Variants in SYTL2 observed in about 807,000 individuals in gnomAD.
SYTL2 encodes synaptotagmin-like protein 2.
A neutral mutation model predicts 198.7 loss-of-function variants in SYTL2; 165 were observed. The observed-to-expected ratio is 0.83, with a 90% CI of 0.73 to 0.94. The LOEUF is 0.94. Among genes scored for constraint, SYTL2 ranks in the 40% least tolerant of loss-of-function variants. The pLI is 0.00. For missense variants in SYTL2, 2,835 were observed against 2,582.8 expected (o/e 1.10, Z -2.12); for synonymous variants, 966 against 917.7 (o/e 1.05, Z -0.95).
At chr11:85,854,627 A>C in the SYTL2 span, 1 of 152,286 alleles carries the variant, frequency 6.6e-6, no homozygotes, top group East Asian at 1.9e-4. Context: ...TTAGTGCACG[A>C]AAGTAGAAAG....
chr11:85,760,809 C>T (rs1281910619), intron 1 of SYTL2, among the ~76,000 whole-genome samples: 1 of 152,142 alleles, frequency 6.6e-6, no homozygotes, highest in Non-Finnish European at 1.5e-5. Context: ...AAATTTCTCC[C>T]TTAAAATAGG....
intron 1 of SYTL2, among the ~76,000 whole-genome samples, chr11:85,761,922 G>C (rs1312187907): frequency 2.6e-5 from 4 of 152,202 alleles, no homozygotes; most frequent in Admixed American, 2.0e-4. Flanking sequence ...GCCTCCCAAA[G>C]TATTGGGATT....
At position 85,709,336 on chromosome 11, in the gene SYTL2, TGAAC is replaced by T. The variant is rs2085831735; in HGVS notation, c.5906_5909del (p.Arg1969GlnfsTer5). The T allele has an allele frequency of 1.2e-6, 2 of 1,614,032 alleles. No homozygotes were observed. Reference sequence around the variant, plus strand: ...TGACTCTAAAATGTACTTACGGGTCTGAACGCTGTTTTTTTACATCCGCTGCTGC... The same window carrying T: ...TGACTCTAAAATGTACTTACGGGTCTGCTGTTTTTTTACATCCGCTGCTGC... On this transcript the variant is annotated frameshift_variant, in exon 14 of 20. Coordinates refer to ENST00000359152, the MANE Select transcript of SYTL2 (RefSeq NM_206927.4). LOFTEE classifies it high-confidence loss of function.
At chr11:85,797,902 G>C (rs1189071065) in intron 1 of SYTL2, among the ~76,000 whole-genome samples, 1 of 152,022 alleles carries the variant, frequency 6.6e-6, no homozygotes. Flanking sequence ...CACCCAGGCT[G>C]GAGTGCAGTG....
the SYTL2 span, among the ~76,000 whole-genome samples, chr11:85,848,269 G>GAA: frequency 2.4e-5 from 3 of 124,162 alleles, no homozygotes; most frequent in Non-Finnish European, 3.5e-5. Context: ...AAAGAAAAAA[G>GAA]AAAAAAAAAA....
chr11:85,736,435 T>G, intron 6 of SYTL2, 66 bp downstream of exon 6: 10 of 813,026 alleles, frequency 1.2e-5, no homozygotes, highest in Non-Finnish European at 1.9e-5. Context: ...AAAGGAACTC[T>G]GAGAATTTCC....
At position 85,726,620 on chromosome 11, in the gene SYTL2, C is replaced by T; in HGVS notation, c.2738G>A (p.Arg913Lys). ...AGGCAAACTGTCTGCCACTTGTGAT[C>T]TTTTTATAGGCTCATTTTTCTTATT... ...FQNKKNEPIK[R>K]SQVADSLPSR... The change falls in exon 8 of 20, where the codon AGA becomes AAA. Residue 913 changes from arginine to lysine, a missense_variant. This residue lies in a region of SYTL2 where 2,645 missense variants were observed against 2,381.7 expected (regional missense o/e 1.11). Coordinates refer to ENST00000359152, the MANE Select transcript of SYTL2 (RefSeq NM_206927.4). 1 of 1,543,158 alleles carries T rather than the reference C, an allele frequency of 6.5e-7. No homozygotes were observed. The highest frequency in any genetic ancestry group is 8.7e-7 in the Non-Finnish European group (1 of 1,149,996).
At chr11:85,793,768 T>A (rs1166813191) in intron 1 of SYTL2, among the ~76,000 whole-genome samples, 1 of 152,202 alleles carries the variant, frequency 6.6e-6, no homozygotes, top group Non-Finnish European at 1.5e-5. Flanking sequence ...TCTGCACAAA[T>A]GAAAAATCCT....
At chr11:85,774,219 C>T (rs1396947270) in intron 1 of SYTL2, among the ~76,000 whole-genome samples, 1 of 152,188 alleles carries the variant, frequency 6.6e-6, no homozygotes, top group African/African-American at 2.4e-5. Context: ...AAGGAACTGA[C>T]ATTTAATCTT....
At chr11:85,747,296 A>AG (rs2091219577) in intron 3 of SYTL2, among the ~76,000 whole-genome samples, 1 of 151,736 alleles carries the variant, frequency 6.6e-6, no homozygotes, top group Admixed American at 6.6e-5. Context: ...GTCTATTAAA[A>AG]AAAAAAAAGA....
At chr11:85,830,215 T>G in the SYTL2 span, among the ~76,000 whole-genome samples, 1 of 152,180 alleles carries the variant, frequency 6.6e-6, no homozygotes, top group Non-Finnish European at 1.5e-5. Flanking sequence ...CCTATTCATT[T>G]CATTCCTAAC....
chr11:85,841,428 A>G, the SYTL2 span, among the ~76,000 whole-genome samples: 7 of 152,372 alleles, frequency 4.6e-5, no homozygotes, highest in Admixed American at 3.3e-4. Context: ...CTAAATTACC[A>G]TCAATGGTAG....
intron 6 of SYTL2, among the ~76,000 whole-genome samples, chr11:85,735,630 G>A (rs2090265221): frequency 6.6e-6 from 1 of 151,954 alleles, no homozygotes; most frequent in Non-Finnish European, 1.5e-5. Context: ...GGTAGAGCAC[G>A]CCTGTAGTCC....
At chr11:85,851,303 A>G in the SYTL2 span, among the ~76,000 whole-genome samples, 12 of 152,250 alleles carry the variant, frequency 7.9e-5, no homozygotes, top group Non-Finnish European at 1.6e-4. Flanking sequence ...CTATTTCTCA[A>G]AAGTAACTGC....
the SYTL2 span, among the ~76,000 whole-genome samples, chr11:85,844,134 C>G: frequency 1.3e-5 from 2 of 152,212 alleles, no homozygotes; most frequent in African/African-American, 4.8e-5. Flanking sequence ...TCCAAGCAGT[C>G]CCCCTGTTGG....
chr11:85,720,206 A>G (rs144182163), intron 9 of SYTL2, among the ~76,000 whole-genome samples: 1 of 152,328 alleles, frequency 6.6e-6, no homozygotes, highest in East Asian at 1.9e-4. Flanking sequence ...AAAAGTGTGA[A>G]CAGAATAGAA....
intron 6 of SYTL2, among the ~76,000 whole-genome samples, chr11:85,735,477 C>T (rs1231606232): frequency 1.3e-5 from 2 of 152,152 alleles, no homozygotes; most frequent in Admixed American, 6.5e-5. Flanking sequence ...TAAAAACAGG[C>T]CAAGCGCAGT....
chr11:85,705,328 T>C (rs1591587908), intron 15 of SYTL2: 1 of 222,212 alleles, frequency 4.5e-6, no homozygotes, highest in Non-Finnish European at 8.9e-6. Flanking sequence ...GCTGAATATT[T>C]TTAGACTAGA....
chr11:85,847,213 G>A, the SYTL2 span, among the ~76,000 whole-genome samples: 3 of 152,094 alleles, frequency 2.0e-5, no homozygotes, highest in African/African-American at 7.2e-5. Flanking sequence ...CCCCCTTGCA[G>A]TCAATCCCAC....
Sources: allele counts gnomAD v4.1 joint callset (sites outside exome capture counted in the v4.1 genomes callset), GRCh38; gene constraint gnomAD v4.1.1; regional missense constraint gnomAD v4.1.1; transcripts MANE v1.5; gene names NCBI Gene and HGNC (gene_info 2026-07-23, HGNC 2026-07-21).